Variants in BSN observed in about 807,000 individuals in gnomAD.
BSN encodes the protein bassoon presynaptic cytomatrix protein.
BSN carries 57 observed loss-of-function variants against 264.8 expected under a neutral mutation model. That is an observed-to-expected ratio of 0.22 (90% CI 0.17 to 0.27). The LOEUF (loss-of-function observed/expected upper bound fraction) is 0.27, where lower values mean the gene tolerates loss of function less well. Ranked by LOEUF, BSN falls within the 10% of genes least tolerant of loss-of-function variation. BSN has a pLI of 1.00. For synonymous variants in BSN, 2,059 were observed against 2,137.3 expected (o/e 0.96, Z 1.01); for missense variants, 4,615 against 5,232.5 (o/e 0.88, Z 3.64).
intron 1 of BSN, among the ~76,000 whole-genome samples, chr3:49,612,950 T>C (rs942361000): frequency 2.0e-5 from 3 of 152,096 alleles, no homozygotes; most frequent in African/African-American, 7.2e-5. Context: ...CTGACCAACA[T>C]GGAGAAACCC....
rs745971346 is a variant in BSN, at chr3:49,651,925, G to T, written c.2369G>T (p.Trp790Leu). The change falls in exon 5 of 12, where the codon TGG (tryptophan) becomes TTG (leucine). Residue 790 changes from tryptophan to leucine, a missense_variant. Trp to Leu is a moderately conservative substitution (Grantham distance 61). This residue lies in a region of BSN where 1,197 missense variants were observed against 1,348.0 expected (regional missense o/e 0.89). Transcript: ENST00000296452. The surrounding 1 kb of genome is among the most constrained non-coding windows in gnomAD (Gnocchi z 5.4). ...GAGGAAGACGAAGACTCTGCTGAGT[G>T]GAGGCGCCGGAGAGAGCAGCAGGAC... ...ILEEDEDSAE[W>L]RRRREQQDTA... The T allele has an allele frequency of 6.2e-7, 1 of 1,613,694 alleles. No homozygotes were observed. Among genetic ancestry groups the T allele is most frequent in the East Asian group, 2.2e-5 (1 of 44,886 alleles).
At chr3:49,606,209 ATG>A (rs2052143152) in intron 1 of BSN, among the ~76,000 whole-genome samples, 1 of 49,908 alleles carries the variant, frequency 2.0e-5, no homozygotes, top group Non-Finnish European at 3.6e-5. Flanking sequence ...TATATTATAT[ATG>A]TATATATTAT....
intron 1 of BSN, among the ~76,000 whole-genome samples, chr3:49,557,656 C>T (rs968664629): frequency 6.0e-5 from 9 of 150,830 alleles, no homozygotes; most frequent in Admixed American, 2.0e-4. Context: ...CCGCTCACTG[C>T]AAGCTCCACC....
rs1318794034 is a variant in BSN at position 49,663,028 on chromosome 3, C to A, written c.10870C>A (p.Pro3624Thr). 1 of 1,613,798 alleles carries A rather than the reference C, an allele frequency of 6.2e-7. No homozygotes were observed. Among genetic ancestry groups the A allele is most frequent in the Non-Finnish European group, 8.5e-7 (1 of 1,180,030 alleles). The stretch of plus-strand genomic sequence containing the variant: ...CAGCTACCATGACTACGATGAACCC[C>A]CTGAGGAGGGCCTGTGGCCTCATGA... Reference protein sequence around the residue: ...RHSYHDYDEPPEEGLWPHDEG... With the variant: ...RHSYHDYDEPTEEGLWPHDEG... Residue 3624 changes from proline (P) to threonine (T), a missense_variant, in exon 7 of 12, where the codon CCT becomes ACT. Pro to Thr is a conservative substitution (Grantham distance 38). Coordinates refer to ENST00000296452, the MANE Select transcript of BSN (RefSeq NM_003458.4).
At chr3:49,672,049 T>TTA (rs10687387), downstream of BSN, among the ~76,000 whole-genome samples, 2 of 146,606 alleles carry the variant, frequency 1.4e-5, no homozygotes, top group Non-Finnish European at 3.0e-5. Context: ...TTTTTTTTTT[T>TTA]AACACAGATA....
chr3:49,572,059 C>CA (rs2051801128), intron 1 of BSN, among the ~76,000 whole-genome samples: 1 of 152,158 alleles, frequency 6.6e-6, no homozygotes, highest in Non-Finnish European at 1.5e-5. Flanking sequence ...ACACAACAGT[C>CA]AGCAGGTTGG....
At chr3:49,561,370 G>A (rs1355460547) in intron 1 of BSN, among the ~76,000 whole-genome samples, 1 of 152,154 alleles carries the variant, frequency 6.6e-6, no homozygotes, top group East Asian at 1.9e-4. Flanking sequence ...AGAGGAGCCC[G>A]AGCTCTTCAA....
In BSN at chr3:49,664,788, C is replaced by A. The variant is rs1422894940; in HGVS notation, c.11741-11C>A. On this transcript the variant is annotated splice_polypyrimidine_tract_variant and intron_variant, in intron 9 of 11. Transcript: ENST00000296452. ...ATTTCCTGATGGCTCTCTCCTCTTT[C>A]TTTGTCACAGCTGTCTCTGCTTTTG... is the stretch of plus-strand genomic sequence containing the variant. 6.2e-7 allele frequency: 1 copy of A among 1,613,858 alleles called. No individual in the cohort carries two copies. The highest frequency in any genetic ancestry group is 1.7e-5 in the Admixed American group (1 of 60,018).
In BSN at chr3:49,643,062, C is replaced by A. The variant is rs772071936; in HGVS notation, c.1428C>A (p.Ser476Arg). 3.7e-6 allele frequency: 6 copies of A among 1,614,058 alleles called. No individual in the cohort carries two copies. The highest frequency in any genetic ancestry group is 5.1e-6 in the Non-Finnish European group (6 of 1,180,032). The change falls in exon 3 of 12, where the codon AGC (serine) becomes AGA (arginine). Residue 476 changes from serine to arginine, a missense_variant. This residue lies in a region of BSN where 1,197 missense variants were observed against 1,348.0 expected (regional missense o/e 0.89). Transcript: ENST00000296452. ...PLCQAELNVG[S>R]KSPANYNTCT... The stretch of plus-strand genomic sequence containing the variant: ...GCCAAGCCGAGCTCAACGTGGGCAG[C>A]AAGAGCCCAGCCAACTATAACACAT...
intron 5 of BSN, 76 bp downstream of exon 5, chr3:49,658,272 T>C (rs961932465): frequency 8.2e-6 from 12 of 1,455,622 alleles, no homozygotes; most frequent in Admixed American, 2.5e-5. Context: ...GGGAGGGGCT[T>C]CTTCTGGGGT....
In BSN at chr3:49,638,665, G is replaced by A. The variant is rs570790270; in HGVS notation, c.634-3603G>A. On this transcript the variant is annotated intron_variant, in intron 2 of 11. Coordinates refer to ENST00000296452, the MANE Select transcript of BSN (RefSeq NM_003458.4). This position sits in a 1 kb window ranked among gnomAD's most constrained non-coding sequence, Gnocchi z 4.3. The stretch of plus-strand genomic sequence containing the variant: ...TGAGGGGCGTTTCAGCCTTTTCTTG[G>A]AGAAGTTCTATTTTAGGTGAGATGC... Among the ~76,000 whole-genome samples the A allele has an allele frequency of 6.6e-6, 1 of 152,300 alleles. No homozygotes were observed. Among genetic ancestry groups the A allele is most frequent in the African/African-American group, 2.4e-5 (1 of 41,574 alleles).
chr3:49,617,286 TATATATATATATATA>T (rs1559606427), intron 1 of BSN, among the ~76,000 whole-genome samples: 8 of 3,730 alleles, frequency 2.1e-3, no homozygotes, highest in East Asian at 0.17. Context: ...AAATACATTA[TATATATATATATATA>T]TATATATATA....
In BSN at chr3:49,653,931, G is replaced by A. The variant is rs749197802; in HGVS notation, c.4375G>A (p.Gly1459Ser). Residue 1459 changes from glycine (G) to serine (S), a missense_variant, in exon 5 of 12, where the codon GGT becomes AGT. By Grantham distance (56) the Gly-to-Ser change is moderately conservative. Coordinates refer to ENST00000296452, the MANE Select transcript of BSN (RefSeq NM_003458.4). This position sits in a 1 kb window ranked among gnomAD's most constrained non-coding sequence, Gnocchi z 6.3. Reference protein sequence around the residue: ...AREKPLSASDGEGGTPQPSRA... With the variant: ...AREKPLSASDSEGGTPQPSRA... ...AGAGAAGCCCTTGAGTGCGAGTGAC[G>A]GTGAGGGTGGCACTCCTCAGCCTTC... 103 of 1,613,982 alleles carry A rather than the reference G, an allele frequency of 6.4e-5. No homozygotes were observed. Among genetic ancestry groups the A allele is most frequent in the Admixed American group, 1.2e-4 (7 of 59,994 alleles).
chr3:49,622,415 G>A (rs1036660746), intron 1 of BSN, among the ~76,000 whole-genome samples: 3 of 152,210 alleles, frequency 2.0e-5, no homozygotes, highest in South Asian at 2.1e-4. Context: ...TTTGCTGGGT[G>A]CAGAAGACAT....
chr3:49,586,164 G>A (rs1392050469), intron 1 of BSN, among the ~76,000 whole-genome samples: 2 of 152,152 alleles, frequency 1.3e-5, no homozygotes, highest in Admixed American at 1.3e-4. Context: ...TATTGGTCAA[G>A]AAAGTTTTGC....
In BSN at chr3:49,652,158, G is replaced by A; in HGVS notation, c.2602G>A (p.Gly868Ser). The A allele has an allele frequency of 6.2e-7, 1 of 1,614,010 alleles. No homozygotes were observed. The highest frequency in any genetic ancestry group is 8.5e-7 in the Non-Finnish European group (1 of 1,179,938). The change falls in exon 5 of 12, where the codon GGC becomes AGC. Residue 868 changes from glycine (G) to serine (S), a missense_variant. Physicochemically the swap from Gly to Ser is moderately conservative, Grantham distance 56. Transcript: ENST00000296452. ...GGATGACACTGCCACCTCCGGGCGT[G>A]GCCTGGCCAAACATGGCACCCAGAA... is the stretch of plus-strand genomic sequence containing the variant. ...EEDDTATSGRGLAKHGTQKGG... is the reference protein window; with the variant it reads ...EEDDTATSGRSLAKHGTQKGG...
rs1296765900 is a variant in BSN at position 49,661,204 on chromosome 3, G to T, written c.9359G>T (p.Gly3120Val). The T allele has an allele frequency of 6.2e-7, 1 of 1,613,532 alleles. No homozygotes were observed. Among genetic ancestry groups the T allele is most frequent in the African/African-American group, 1.3e-5 (1 of 74,918 alleles). The change falls in exon 6 of 12, where the codon GGC becomes GTC. Residue 3120 changes from glycine (G) to valine (V), a missense_variant. Coordinates refer to ENST00000296452, the MANE Select transcript of BSN (RefSeq NM_003458.4). ...TTCCGCCCCACAGGCCACTATGCAG[G>T]CCAAACACCCATGCCAACCACACAG... ...QAFRPTGHYA[G>V]QTPMPTTQST...
chr3:49,666,540 G>A (rs1472943642), intron 11 of BSN, among the ~76,000 whole-genome samples: 5 of 152,222 alleles, frequency 3.3e-5, no homozygotes, highest in Non-Finnish European at 7.3e-5. Flanking sequence ...AAAGTGATGA[G>A]TGTTATAAAG....
chr3:49,663,948 TACC>T (rs2108099580), intron 8 of BSN, 62 bp downstream of exon 8: 3 of 1,493,834 alleles, frequency 2.0e-6, no homozygotes, highest in Non-Finnish European at 2.8e-6. Context: ...TCTCTCTCTA[TACC>T]ACCTGTGCCC....
Sources: allele counts gnomAD v4.1 joint callset (sites outside exome capture counted in the v4.1 genomes callset), GRCh38; gene constraint gnomAD v4.1.1; regional missense constraint gnomAD v4.1.1; non-coding constraint Gnocchi (gnomAD v3.1); transcripts MANE v1.5; gene names NCBI Gene and HGNC (gene_info 2026-07-23, HGNC 2026-07-21).